Variants in QSER1 observed in about 807,000 individuals in gnomAD.
QSER1 encodes glutamine and serine rich 1, also known as glutamine and serine-rich protein 1.
QSER1 carries 49 observed loss-of-function variants against 158.5 expected under a neutral mutation model. That is an observed-to-expected ratio of 0.31 (90% CI 0.25 to 0.39). The LOEUF is 0.39. Ranked by LOEUF, QSER1 falls within the 10% of genes least tolerant of loss-of-function variation. The pLI is 1.00. For synonymous variants in QSER1, 650 were observed against 715.5 expected (o/e 0.91, Z 1.46); for missense variants, 1,754 against 2,010.3 (o/e 0.87, Z 2.44).
chr11:32,976,474 A>C lies in QSER1; in HGVS notation c.5595A>C (p.Ter1865CysextTer10). The C allele has an allele frequency of 6.2e-7, 1 of 1,609,608 alleles. No individual in the cohort carries two copies. Among genetic ancestry groups the C allele is most frequent in the Non-Finnish European group, 8.5e-7 (1 of 1,178,498 alleles). The change falls in exon 13 of 13, where the codon TGA (stop) becomes TGC (cysteine). Residue 1865 changes from the stop codon to cysteine, a stop_lost. Coordinates refer to ENST00000650167, the MANE Select transcript of QSER1 (RefSeq NM_001076786.3). The part of the protein sequence containing the change: ...LLNHVQQKCS[*>C] ...ATCATGTACAGCAGAAATGTTCCTG[A>C]CTTTTCCACAAAAATCCCATCTTTT...
Position 32,975,348 on chromosome 11 carries a change from TTTC to T in QSER1, c.5454+10_5454+12del. ...TATCTGATATGTAAGGATGAGGTAA[TTTC>T]TTCTCATTTACTTAAAAAAAATGTT... On this transcript the variant is annotated splice_donor_region_variant and intron_variant, in intron 12 of 12. Coordinates refer to ENST00000650167, the MANE Select transcript of QSER1 (RefSeq NM_001076786.3). 1 of 1,602,074 alleles carries T rather than the reference TTTC, an allele frequency of 6.2e-7. No homozygotes were observed. The highest frequency in any genetic ancestry group is 8.5e-7 in the Non-Finnish European group (1 of 1,170,510).
chr11:32,969,021 C>T (rs1441192905), intron 9 of QSER1, 25 bp from the exon 10 acceptor site: 4 of 1,206,942 alleles, frequency 3.3e-6, no homozygotes, highest in Admixed American at 2.4e-5. Context: ...ATAGTTTATC[C>T]TGTTAAATTA....
chr11:32,920,332 A>G (rs796800521), intron 1 of QSER1, among the ~76,000 whole-genome samples: 1 of 152,234 alleles, frequency 6.6e-6, no homozygotes, highest in African/African-American at 2.4e-5. Flanking sequence ...TAGCAAAAGA[A>G]TGAAACTGGA....
At position 32,927,953 on chromosome 11, in the gene QSER1, C is replaced by A; in HGVS notation, c.323-9C>A. The A allele has an allele frequency of 1.5e-6, 1 of 689,274 alleles. No individual in the cohort carries two copies. The highest frequency in any genetic ancestry group is 2.4e-6 in the Non-Finnish European group (1 of 424,618). The allele number at this position is 689,274 out of a possible 1,614,324, so 42.7% of individuals were successfully genotyped here. A position where few individuals can be genotyped will look rare whatever the true frequency, so the allele number is the denominator to read the frequency against. On this transcript the variant is annotated splice_polypyrimidine_tract_variant and intron_variant, in intron 2 of 12. Coordinates refer to ENST00000650167, the MANE Select transcript of QSER1 (RefSeq NM_001076786.3). ...TTTACTTTGGGATATATTTTATCTT[C>A]AAATTTAGGTCTTTCTGGAATATTT...
intron 8 of QSER1, among the ~76,000 whole-genome samples, chr11:32,961,562 A>G (rs962089022): frequency 6.6e-6 from 1 of 152,184 alleles, no homozygotes; most frequent in Non-Finnish European, 1.5e-5. Flanking sequence ...ACCCTCACCT[A>G]TATTTCCAAA....
intron 4 of QSER1, among the ~76,000 whole-genome samples, chr11:32,951,305 GTCAGTATC>G (rs1178212181): frequency 1.2e-4 from 18 of 152,080 alleles, no homozygotes; most frequent in Non-Finnish European, 2.4e-4. Flanking sequence ...CTATGTCTGT[GTCAGTATC>G]ACAGTCTGTA....
chr11:32,971,330 G>C (rs1015305487), intron 10 of QSER1, among the ~76,000 whole-genome samples: 3 of 152,180 alleles, frequency 2.0e-5, no homozygotes, highest in African/African-American at 4.8e-5. Context: ...GAAATAATTA[G>C]TGTGCTTTCC....
intron 4 of QSER1, among the ~76,000 whole-genome samples, chr11:32,939,948 ATT>A (rs35359579): frequency 0.038 from 4,729 of 124,302 alleles, 92 homozygotes; most frequent in Non-Finnish European, 0.051. Context: ...GAAGACTGAG[ATT>A]TTTTTTTTTT....
chr11:32,914,992 T>C (rs2133515286), intron 1 of QSER1, among the ~76,000 whole-genome samples: 1 of 152,278 alleles, frequency 6.6e-6, no homozygotes, highest in Non-Finnish European at 1.5e-5. Context: ...TGATCATGGC[T>C]CACTGTAGCC....
intron 1 of QSER1, among the ~76,000 whole-genome samples, chr11:32,921,858 A>C (rs757023238): frequency 8.5e-5 from 13 of 152,230 alleles, no homozygotes; most frequent in Non-Finnish European, 1.3e-4. Context: ...CACTATAAAC[A>C]CAGTTGTATA....
intron 1 of QSER1, among the ~76,000 whole-genome samples, chr11:32,894,979 A>G (rs1851536691): frequency 6.6e-6 from 1 of 152,216 alleles, no homozygotes; most frequent in Non-Finnish European, 1.5e-5. Context: ...CATGATAGGT[A>G]TTTGTGCCGC....
intron 1 of QSER1, among the ~76,000 whole-genome samples, chr11:32,919,293 A>C (rs537374809): frequency 6.6e-6 from 1 of 152,126 alleles, no homozygotes; most frequent in Non-Finnish European, 1.5e-5. Flanking sequence ...GCAAATTTTT[A>C]AAAGTTTTTT....
At chr11:32,969,179 T>C (rs765883661) in intron 10 of QSER1, 36 bp downstream of exon 10, 32 of 1,179,788 alleles carry the variant, frequency 2.7e-5, no homozygotes, top group Non-Finnish European at 3.7e-5. Context: ...CAAAACTCAA[T>C]GGCAGTCATA....
intron 9 of QSER1, among the ~76,000 whole-genome samples, chr11:32,967,408 T>C (rs1483905876): frequency 6.6e-6 from 1 of 152,052 alleles, no homozygotes; most frequent in African/African-American, 2.4e-5. Flanking sequence ...TGCACTAAAA[T>C]CCCAGACTTC....
rs1852095148 is a variant in QSER1, at chr11:32,933,872, G to T, written c.2614G>T (p.Ala872Ser). The change falls in exon 4 of 13, where the codon GCA (alanine) becomes TCA (serine). Residue 872 changes from alanine (A) to serine (S), a missense_variant. Physicochemically the swap from Ala to Ser is moderately conservative, Grantham distance 99. This residue lies in a region of QSER1 where 1,707 missense variants were observed against 1,919.6 expected (regional missense o/e 0.89). Coordinates refer to ENST00000650167, the MANE Select transcript of QSER1 (RefSeq NM_001076786.3). ...AATTCTTCAGCAGTCAATACTGCAG[G>T]CAGGTTTAGGTCAAGTAAAGGCATC... Reference protein sequence around the residue: ...LQILQQSILQAGLGQVKASLQ... With the variant: ...LQILQQSILQSGLGQVKASLQ... 2 of 1,613,510 alleles carry T rather than the reference G, an allele frequency of 1.2e-6. No homozygotes were observed. Among genetic ancestry groups the T allele is most frequent in the East Asian group, 4.5e-5 (2 of 44,872 alleles).
intron 1 of QSER1, among the ~76,000 whole-genome samples, chr11:32,906,830 T>C (rs962300114): frequency 6.6e-6 from 1 of 152,222 alleles, no homozygotes; most frequent in African/African-American, 2.4e-5. Flanking sequence ...CAGTCTTCTT[T>C]CATGCATATC....
chr11:32,924,281 A>T (rs1157210836), intron 1 of QSER1, among the ~76,000 whole-genome samples: 1 of 152,098 alleles, frequency 6.6e-6, no homozygotes, highest in African/African-American at 2.4e-5. Context: ...AAGACAGTGG[A>T]GGCCAGGTGT....
At chr11:32,900,436 G>T (rs1851609532) in intron 1 of QSER1, among the ~76,000 whole-genome samples, 1 of 152,150 alleles carries the variant, frequency 6.6e-6, no homozygotes, top group Non-Finnish European at 1.5e-5. Context: ...GCAGGTGCCT[G>T]TAGTCCCAGC....
At chr11:32,926,267 G>C (rs767187298) in intron 1 of QSER1, 5 of 152,148 alleles carry the variant, frequency 3.3e-5, no homozygotes, top group Admixed American at 1.3e-4. Flanking sequence ...AAAACTTTTA[G>C]ATGTTTGGCA....
Sources: gnomAD v4.1 joint callset for allele counts (sites outside exome capture counted in the v4.1 genomes callset) on GRCh38, gnomAD v4.1.1 for gene constraint, gnomAD v4.1.1 regional missense constraint, MANE v1.5 for transcripts, NCBI Gene and HGNC (gene_info 2026-07-23, HGNC 2026-07-21) for gene names.